RGS7: variants seen among roughly 807,000 people sequenced by gnomAD.
The protein encoded by RGS7 is regulator of G-protein signaling 7.
A neutral mutation model predicts 81.1 loss-of-function variants in RGS7; 27 were observed. The observed-to-expected ratio is 0.33, with a 90% CI of 0.25 to 0.46. RGS7 has a LOEUF of 0.46. RGS7 is among the 20% of genes least tolerant of loss of function. RGS7 has a pLI of 1.00. For synonymous variants in RGS7, 208 were observed against 207.7 expected, an observed-to-expected ratio of 1.00 and a Z score of -0.01; for missense variants, 396 against 607.4, an observed-to-expected ratio of 0.65 and a Z score of 3.66.
At chr1:241,355,649 C>A (rs757666426) in intron 2 of RGS7, 50 bp downstream of exon 2, 3 of 1,544,810 alleles carry the variant, frequency 1.9e-6, no homozygotes, top group South Asian at 1.1e-5. Flanking sequence ...GGAAAAAAAT[C>A]GAGAAAGCCG....
chr1:241,347,580 TG>T (rs1221590371), intron 2 of RGS7, among the ~76,000 whole-genome samples: 2 of 152,320 alleles, frequency 1.3e-5, no homozygotes, highest in Non-Finnish European at 2.9e-5. Context: ...TGTTAGGAAT[TG>T]GAGTGGCTGT....
At chr1:241,257,314 C>A (rs1051482383) in intron 2 of RGS7, among the ~76,000 whole-genome samples, 6 of 151,948 alleles carry the variant, frequency 3.9e-5, no homozygotes, top group Non-Finnish European at 8.8e-5. Flanking sequence ...TAATGCCATT[C>A]ATAAGGGTAG....
chr1:240,945,434 CAT>C (rs147449700), intron 4 of RGS7, among the ~76,000 whole-genome samples: 157 of 152,286 alleles, frequency 1.0e-3, no homozygotes, highest in African/African-American at 3.1e-3. Context: ...AAAACGCACA[CAT>C]GTCTTGGGAT....
intron 10 of RGS7, among the ~76,000 whole-genome samples, chr1:240,824,852 A>C (rs1330316743): frequency 6.6e-6 from 1 of 152,120 alleles, no homozygotes; most frequent in Admixed American, 6.6e-5. Context: ...AAGAGACCCC[A>C]GAGTTGGTTG....
chr1:241,270,320 C>T (rs1325950313), intron 2 of RGS7, among the ~76,000 whole-genome samples: 1 of 152,150 alleles, frequency 6.6e-6, no homozygotes, highest in Non-Finnish European at 1.5e-5. Flanking sequence ...CTTGGTCTGA[C>T]TAACACTATA....
Position 241,144,767 on chromosome 1 carries a change from C to T in RGS7, c.79-46005G>A, listed in dbSNP as rs550136523. On this transcript the variant is annotated intron_variant, in intron 2 of 18. Coordinates refer to ENST00000440928, the MANE Select transcript of RGS7 (RefSeq NM_001364886.1). The surrounding 1 kb of genome is among the most constrained non-coding windows in gnomAD (Gnocchi z 4.7). ...CCAGCCAGCTAGCCAACCCCACAGCCGCCTGTTGGGCAAAGGAACCCTGGA... is the reference window on the plus strand; with the variant it reads ...CCAGCCAGCTAGCCAACCCCACAGCTGCCTGTTGGGCAAAGGAACCCTGGA... Among the ~76,000 whole-genome samples the T allele has an allele frequency of 2.2e-4, 33 of 152,314 alleles. No individual in the cohort carries two copies. The highest frequency in any genetic ancestry group is 7.2e-4 in the Admixed American group (11 of 15,300).
intron 10 of RGS7, among the ~76,000 whole-genome samples, chr1:240,822,218 C>T (rs1273328977): frequency 1.3e-5 from 2 of 152,098 alleles, no homozygotes; most frequent in African/African-American, 4.8e-5. Flanking sequence ...CTCCAGACTG[C>T]CTTTTTTGTT....
Position 241,200,494 on chromosome 1 carries a change from G to C in RGS7, c.79-101732C>G, listed in dbSNP as rs147024261. ...ACTCAAGCTGGAGTCAGACAACCCA[G>C]ATGCTAATTCTGGCTCTAATAGGGA... On this transcript the variant is annotated intron_variant, in intron 2 of 18. Coordinates refer to ENST00000440928, the MANE Select transcript of RGS7 (RefSeq NM_001364886.1). 1.9e-4 allele frequency among the ~76,000 whole-genome samples: 29 copies of C among 152,282 alleles called. No individual in the cohort carries two copies. The East Asian group carries it at 5.2e-3, about 27-fold the overall frequency.
At chr1:241,148,336 C>A (rs1322723200) in intron 2 of RGS7, among the ~76,000 whole-genome samples, 1 of 152,142 alleles carries the variant, frequency 6.6e-6, no homozygotes, top group Non-Finnish European at 1.5e-5. Flanking sequence ...CAGGCATGAG[C>A]CACCATGACT....
chr1:241,288,767 C>T (rs1348821261), intron 2 of RGS7, among the ~76,000 whole-genome samples: 1 of 152,160 alleles, frequency 6.6e-6, no homozygotes, highest in Non-Finnish European at 1.5e-5. Context: ...GTGCCCTGCC[C>T]AAAGCCTCTG....
intron 2 of RGS7, among the ~76,000 whole-genome samples, chr1:241,303,530 G>A (rs1008566799): frequency 6.6e-6 from 1 of 152,156 alleles, no homozygotes; most frequent in Non-Finnish European, 1.5e-5. Context: ...ACACGTAGAA[G>A]ATTAACAATG....
chr1:240,968,679 C>T (rs1682727985), intron 4 of RGS7, among the ~76,000 whole-genome samples: 1 of 152,034 alleles, frequency 6.6e-6, no homozygotes, highest in Non-Finnish European at 1.5e-5. Flanking sequence ...AAAAGGGTGA[C>T]CTTTTACTGT....
Position 240,849,504 on chromosome 1 carries a change from T to C in RGS7, c.609+19083A>G, listed in dbSNP as rs1016335336. 5.9e-5 allele frequency among the ~76,000 whole-genome samples: 9 copies of C among 152,232 alleles called. No homozygotes were observed. The South Asian group carries it at 1.9e-3, about 32-fold the overall frequency. On this transcript the variant is annotated intron_variant, in intron 9 of 18. Coordinates refer to ENST00000440928, the MANE Select transcript of RGS7 (RefSeq NM_001364886.1). ...TTAATGCCAACTGATATGGTTTAGA[T>C]ATTTGTCTCCTCCAAATCTCATGTT...
chr1:241,241,584 T>C lies in RGS7; in HGVS notation c.78+114115A>G, dbSNP rs371175190. On this transcript the variant is annotated intron_variant, in intron 2 of 18. Transcript: ENST00000440928. ...CTCCTGGTAGTGTGTGATGATCACA[T>C]GGAATAGTAACCAGAGCTGTGTCAC... Among the ~76,000 whole-genome samples, 166 of 152,180 alleles carry C rather than the reference T, an allele frequency of 1.1e-3. 1 individual carries two copies. Among genetic ancestry groups the C allele is most frequent in the Middle Eastern group, 3.4e-3 (1 of 294 alleles).
At chr1:240,926,194 G>A (rs1168385997) in intron 6 of RGS7, among the ~76,000 whole-genome samples, 1 of 152,092 alleles carries the variant, frequency 6.6e-6, no homozygotes, top group Non-Finnish European at 1.5e-5. Flanking sequence ...TGCTTTTGAG[G>A]ACTTAGTGAT....
At position 241,190,081 on chromosome 1, in the gene RGS7, C is replaced by A. The variant is rs543217590; in HGVS notation, c.79-91319G>T. 3.0e-4 allele frequency among the ~76,000 whole-genome samples: 45 copies of A among 150,918 alleles called. 1 individual carries two copies. In the South Asian group the frequency reaches 4.4e-3, roughly 15 times the overall value. On this transcript the variant is annotated intron_variant, in intron 2 of 18. Coordinates refer to ENST00000440928, the MANE Select transcript of RGS7 (RefSeq NM_001364886.1). ...TGGCGCCACTGCACTCCAGCCTGGG[C>A]GACAGAGCAGACTCCGTCTCAAAAA...
chr1:241,005,001 A>G (rs114226838), intron 3 of RGS7, among the ~76,000 whole-genome samples: 3,689 of 152,272 alleles, frequency 0.024, 152 homozygotes, highest in African/African-American at 0.084. Flanking sequence ...AACAATTCCA[A>G]CGTGGTAAGT....
At chr1:241,024,708 G>C (rs1489556398) in intron 3 of RGS7, among the ~76,000 whole-genome samples, 2 of 152,114 alleles carry the variant, frequency 1.3e-5, no homozygotes. Flanking sequence ...GGAGAACAAA[G>C]GAAATTGTGG....
At chr1:240,864,959 T>G (rs1662961830) in intron 9 of RGS7, among the ~76,000 whole-genome samples, 1 of 152,186 alleles carries the variant, frequency 6.6e-6, no homozygotes. Flanking sequence ...TATTCCATTT[T>G]TTTTTTGCTT....
Sources: allele counts gnomAD v4.1 joint callset (sites outside exome capture counted in the v4.1 genomes callset), GRCh38; gene constraint gnomAD v4.1.1; non-coding constraint Gnocchi (gnomAD v3.1); transcripts MANE v1.5; gene names NCBI Gene and HGNC (gene_info 2026-07-23, HGNC 2026-07-21).